TENM3: variants seen among roughly 807,000 people sequenced by gnomAD.
TENM3 encodes the protein teneurin transmembrane protein 3.
Under a neutral mutation model 255.1 loss-of-function variants are expected in TENM3, and 63 were observed. The observed-to-expected ratio is 0.25, with a 90% CI of 0.20 to 0.30. The LOEUF (loss-of-function observed/expected upper bound fraction) is 0.30, where lower values mean the gene tolerates loss of function less well. TENM3 is among the 10% of genes least tolerant of loss of function. The probability of loss-of-function intolerance (pLI) is 1.00; values close to 1 mark genes in which losing one functional copy is unlikely to be tolerated. For synonymous variants in TENM3, 1,306 were observed against 1,322.3 expected (o/e 0.99, Z 0.27); for missense variants, 2,929 against 3,461.1 (o/e 0.85, Z 3.86).
chr4:182,593,007 A>C (rs1746826637), intron 3 of TENM3, among the ~76,000 whole-genome samples: 1 of 152,218 alleles, frequency 6.6e-6, no homozygotes, highest in Non-Finnish European at 1.5e-5. Flanking sequence ...TAGTATCTTT[A>C]GGGTCATCCT....
At chr4:182,270,401 G>T (rs1038679060) in intron 1 of TENM3, among the ~76,000 whole-genome samples, 51 of 152,270 alleles carry the variant, frequency 3.3e-4, no homozygotes, top group African/African-American at 1.2e-3. Context: ...CCAGACTGAA[G>T]GTGGAATTTG....
At chr4:181,752,194 T>G in the TENM3 span, among the ~76,000 whole-genome samples, 1 of 152,182 alleles carries the variant, frequency 6.6e-6, no homozygotes, top group East Asian at 1.9e-4. Context: ...AGAAAGGAAA[T>G]GAGACTTGTT....
chr4:182,632,781 G>T (rs1214064248), intron 5 of TENM3, among the ~76,000 whole-genome samples: 1 of 151,978 alleles, frequency 6.6e-6, no homozygotes, highest in African/African-American at 2.4e-5. Flanking sequence ...AGACATACCT[G>T]TAAAGTCCTT....
At chr4:181,605,945 G>T in the TENM3 span, among the ~76,000 whole-genome samples, 2 of 152,088 alleles carry the variant, frequency 1.3e-5, no homozygotes, top group Non-Finnish European at 2.9e-5. Flanking sequence ...GATTTAATTT[G>T]GACCGTCCAC....
At chr4:182,623,782 C>T (rs1750534561) in intron 4 of TENM3, among the ~76,000 whole-genome samples, 1 of 152,132 alleles carries the variant, frequency 6.6e-6, no homozygotes, top group African/African-American at 2.4e-5. Flanking sequence ...TTCATGCTCT[C>T]TGTCTTTTCC....
the TENM3 span, among the ~76,000 whole-genome samples, chr4:181,970,503 G>T: frequency 1.3e-5 from 2 of 152,194 alleles, no homozygotes; most frequent in African/African-American, 4.8e-5. Flanking sequence ...CAGTCTGAAA[G>T]ATAATGCATC....
chr4:182,633,864 C>CA (rs1210641193), intron 5 of TENM3, among the ~76,000 whole-genome samples: 1 of 152,134 alleles, frequency 6.6e-6, no homozygotes, highest in Non-Finnish European at 1.5e-5. Context: ...AAAGGAGTCA[C>CA]ATTTATGCTT....
the TENM3 span, among the ~76,000 whole-genome samples, chr4:181,752,485 G>A: frequency 6.6e-6 from 1 of 152,052 alleles, no homozygotes; most frequent in Non-Finnish European, 1.5e-5. Context: ...CCTGGAGGCG[G>A]ATGTTTCAGT....
intron 1 of TENM3, among the ~76,000 whole-genome samples, chr4:182,272,749 A>C (rs1245453233): frequency 6.6e-6 from 1 of 152,228 alleles, no homozygotes; most frequent in Admixed American, 6.5e-5. Context: ...CATGGAGTTT[A>C]TAATCTAGAG....
rs934444380 is a variant in TENM3, at chr4:182,210,557, G to A, written c.-76+65803G>A. Among the ~76,000 whole-genome samples, 24 of 149,450 alleles carry A rather than the reference G, an allele frequency of 1.6e-4. 1 individual carries two copies. Among genetic ancestry groups the A allele is most frequent in the Admixed American group, 8.0e-4 (12 of 15,060 alleles). On this transcript the variant is annotated intron_variant, in intron 1 of 2. Coordinates refer to the TENM3 transcript ENST00000512480. Reference sequence around the variant, plus strand: ...TTGGGGTTCATCTGATTTCTAAGACGTCAGGAATTTGGGCCTGATTTTTTA... The same window carrying A: ...TTGGGGTTCATCTGATTTCTAAGACATCAGGAATTTGGGCCTGATTTTTTA...
chr4:182,604,826 G>C (rs1581077683), intron 4 of TENM3, among the ~76,000 whole-genome samples: 1 of 152,228 alleles, frequency 6.6e-6, no homozygotes, highest in East Asian at 1.9e-4. Flanking sequence ...TTCTAGTTCA[G>C]TAATGCTTTG....
At chr4:182,627,342 G>A (rs1750914779) in intron 4 of TENM3, among the ~76,000 whole-genome samples, 2 of 152,022 alleles carry the variant, frequency 1.3e-5, no homozygotes, top group Admixed American at 1.3e-4. Flanking sequence ...AACTCGCCAG[G>A]GACACATACC....
At chr4:181,649,242 C>T in the TENM3 span, among the ~76,000 whole-genome samples, 1 of 152,166 alleles carries the variant, frequency 6.6e-6, no homozygotes, top group Non-Finnish European at 1.5e-5. Flanking sequence ...ATTGCCAGAG[C>T]GGAGCCTCTT....
chr4:182,168,483 A>G (rs757510945), intron 1 of TENM3, among the ~76,000 whole-genome samples: 28 of 152,116 alleles, frequency 1.8e-4, no homozygotes, highest in Admixed American at 2.6e-4. Flanking sequence ...GTTTTCTCCA[A>G]TTATTGACTT....
the TENM3 span, among the ~76,000 whole-genome samples, chr4:181,997,351 C>T: frequency 1.3e-5 from 2 of 152,134 alleles, no homozygotes; most frequent in Admixed American, 6.6e-5. Context: ...AGAAGAAAAA[C>T]ATGGACCACC....
intron 3 of TENM3, among the ~76,000 whole-genome samples, chr4:182,516,341 AAACGT>A (rs2151749439): frequency 6.6e-6 from 1 of 152,348 alleles, no homozygotes; most frequent in South Asian, 2.1e-4. Flanking sequence ...ACAAATGTAT[AAACGT>A]AAGTTGGTAG....
the TENM3 span, among the ~76,000 whole-genome samples, chr4:181,696,000 G>T: frequency 6.6e-6 from 1 of 151,826 alleles, no homozygotes; most frequent in South Asian, 2.1e-4. Context: ...TTTTGGAAAT[G>T]TCATTTAGAA....
chr4:182,010,554 G>GA, the TENM3 span, among the ~76,000 whole-genome samples: 7 of 151,838 alleles, frequency 4.6e-5, no homozygotes, highest in Non-Finnish European at 7.4e-5. Context: ...ATTTTTCAAA[G>GA]AAAAAATGGG....
chr4:182,192,658 G>A (rs1197458176), intron 1 of TENM3, among the ~76,000 whole-genome samples: 1 of 152,136 alleles, frequency 6.6e-6, no homozygotes, highest in Non-Finnish European at 1.5e-5. Flanking sequence ...TTGCAGTGTG[G>A]TTTCCATTTA....
Sources: allele counts gnomAD v4.1 joint callset (sites outside exome capture counted in the v4.1 genomes callset), GRCh38; gene constraint gnomAD v4.1.1; transcripts MANE v1.5; gene names NCBI Gene and HGNC (gene_info 2026-07-23, HGNC 2026-07-21).